The following JDP2 variants were observed in gnomAD, a reference collection of about 807,000 sequenced individuals.
The protein encoded by JDP2 is Jun dimerization protein 2, also known as progesterone receptor co-activator.
JDP2 carries 9 observed loss-of-function variants against 17.1 expected under a neutral mutation model. The observed-to-expected ratio is 0.53, with a 90% CI of 0.32 to 0.92. The LOEUF is 0.92. Among genes scored for constraint, JDP2 ranks in the 40% least tolerant of loss-of-function variants. The probability of loss-of-function intolerance (pLI) is 0.04; values close to 1 mark genes in which losing one functional copy is unlikely to be tolerated. For missense variants in JDP2, 179 were observed against 220.0 expected, an observed-to-expected ratio of 0.81 and a Z score of 1.18; for synonymous variants, 107 against 95.6, an observed-to-expected ratio of 1.12 and a Z score of -0.69.
intron 1 of JDP2, among the ~76,000 whole-genome samples, chr14:75,435,337 G>A (rs1426143614): frequency 6.6e-6 from 1 of 152,204 alleles, no homozygotes; most frequent in Non-Finnish European, 1.5e-5. Context: ...GGTCTCAGGG[G>A]CTATTTCTGT....
chr14:75,431,252 C>T (rs757635996), intron 1 of JDP2, among the ~76,000 whole-genome samples: 11 of 152,192 alleles, frequency 7.2e-5, no homozygotes, highest in East Asian at 1.9e-4. Flanking sequence ...ATTTATTGAG[C>T]GCCTACATTA....
In JDP2 at chr14:75,433,545, A is replaced by AC. The variant is rs1271369207; in HGVS notation, c.-23-4351dup. 2.3e-3 allele frequency among the ~76,000 whole-genome samples: 257 copies of AC among 109,688 alleles called. 2 individuals carry two copies. The highest frequency in any genetic ancestry group is 0.013 in the African/African-American group (249 of 19,392). 72.0% of individuals were successfully genotyped at this position (109,688 alleles called of 152,430 possible). On this transcript the variant is annotated intron_variant, in intron 1 of 3. Coordinates refer to ENST00000651602, the MANE Select transcript of JDP2 (RefSeq NM_001135048.2). The stretch of plus-strand genomic sequence containing the variant: ...GAAGAGTAGGGAGTACAGCTCTCAG[A>AC]CCTTTTTTTTTTTTTTTTTCAAGTT...
chr14:75,437,783 G>C (rs1885137094), intron 1 of JDP2, 115 bp from the exon 2 acceptor site: 2 of 670,600 alleles, frequency 3.0e-6, no homozygotes, highest in South Asian at 4.6e-5. Flanking sequence ...GGGTGGGAAA[G>C]GGATTCAGGG....
At chr14:75,451,239 G>T (rs1384250724) in intron 2 of JDP2, among the ~76,000 whole-genome samples, 2 of 152,060 alleles carry the variant, frequency 1.3e-5, no homozygotes, top group Admixed American at 1.3e-4. Flanking sequence ...GAGGATGGTT[G>T]TGCAGGATCT....
chr14:75,430,642 G>C lies in JDP2; in HGVS notation c.-24+2390G>C, dbSNP rs1884755585. 6.6e-6 allele frequency among the ~76,000 whole-genome samples: 1 copy of C among 152,112 alleles called. No individual in the cohort carries two copies. The stretch of plus-strand genomic sequence containing the variant: ...GAACACTGTTTTGGCTGCGTCCCGG[G>C]CCATATGCAGCGTATGGTGGCCAAT... On this transcript the variant is annotated intron_variant, in intron 1 of 3. Transcript: ENST00000651602. This position sits in a 1 kb window ranked among gnomAD's most constrained non-coding sequence, Gnocchi z 4.5.
intron 2 of JDP2, among the ~76,000 whole-genome samples, chr14:75,450,493 A>G (rs1016030811): frequency 6.6e-6 from 1 of 152,234 alleles, no homozygotes; most frequent in Admixed American, 6.5e-5. Context: ...GCCCCCAGCC[A>G]TGGGAGCCGA....
chr14:75,437,879 C>T lies in JDP2; in HGVS notation c.-23-19C>T, dbSNP rs779564756. On this transcript the variant is annotated intron_variant, in intron 1 of 3. Transcript: ENST00000651602. ...CCCCAACCTGGCTGACTGTCCTGCT[C>T]TTTTCCTGCCCACTCCAGGCTGGCC... 1 of 1,549,618 alleles carries T rather than the reference C, an allele frequency of 6.5e-7. No individual in the cohort carries two copies. The highest frequency in any genetic ancestry group is 1.4e-5 in the African/African-American group (1 of 73,934).
In JDP2 at chr14:75,430,936, AC is replaced by A. The variant is rs1884768626; in HGVS notation, c.-24+2686del. 6.6e-6 allele frequency among the ~76,000 whole-genome samples: 1 copy of A among 152,072 alleles called. No homozygotes were observed. Among genetic ancestry groups the A allele is most frequent in the African/African-American group, 2.4e-5 (1 of 41,386 alleles). On this transcript the variant is annotated intron_variant, in intron 1 of 3. Coordinates refer to ENST00000651602, the MANE Select transcript of JDP2 (RefSeq NM_001135048.2). This position sits in a 1 kb window ranked among gnomAD's most constrained non-coding sequence, Gnocchi z 4.5. Reference sequence around the variant, plus strand: ...GCTGTGGGAGGCCTGGCCAGAGCCCACCATTCTTAGTTGTTGTTGTTTTTTA... The same window carrying A: ...GCTGTGGGAGGCCTGGCCAGAGCCCACATTCTTAGTTGTTGTTGTTTTTTA...
intron 2 of JDP2, among the ~76,000 whole-genome samples, chr14:75,439,657 T>TG (rs1177426180): frequency 2.6e-5 from 4 of 152,248 alleles, no homozygotes; most frequent in Non-Finnish European, 5.9e-5. Flanking sequence ...CTAAAGACTG[T>TG]GGATTACAAG....
Position 75,430,718 on chromosome 14 carries a change from G to A in JDP2, c.-24+2466G>A, listed in dbSNP as rs1422911189. ...GCTTGTCTTGGCAGTCGGTTCCGTG[G>A]CTTGTATTACCAGCTCTGGAACTTA... On this transcript the variant is annotated intron_variant, in intron 1 of 3. Coordinates refer to ENST00000651602, the MANE Select transcript of JDP2 (RefSeq NM_001135048.2). This position sits in a 1 kb window ranked among gnomAD's most constrained non-coding sequence, Gnocchi z 4.5. Among the ~76,000 whole-genome samples the A allele has an allele frequency of 1.3e-5, 2 of 152,078 alleles. No homozygotes were observed. The highest frequency in any genetic ancestry group is 3.9e-4 in the East Asian group (2 of 5,184).
At chr14:75,464,463 A>T (rs1886484897) in intron 3 of JDP2, among the ~76,000 whole-genome samples, 1 of 152,222 alleles carries the variant, frequency 6.6e-6, no homozygotes, top group African/African-American at 2.4e-5. Context: ...CTATTTACAT[A>T]GCATTTACAT....
rs2140024607 is a variant in JDP2 at position 75,428,277 on chromosome 14, G to A, written c.-24+25G>A. On this transcript the variant is annotated intron_variant, in intron 1 of 3. Coordinates refer to ENST00000651602, the MANE Select transcript of JDP2 (RefSeq NM_001135048.2). The surrounding 1 kb of genome is among the most constrained non-coding windows in gnomAD (Gnocchi z 5.6). The stretch of plus-strand genomic sequence containing the variant: ...GGTGGGTGCGAGGGCGCGCGCTGGG[G>A]GCGCCGGGACGGGCGGGGCGGGGCA... The A allele has an allele frequency of 6.8e-6, 1 of 146,954 alleles. No homozygotes were observed. Among genetic ancestry groups the A allele is most frequent in the South Asian group, 2.0e-4 (1 of 4,900 alleles). The allele number at this position is 146,954 out of a possible 1,614,324, so 9.1% of individuals were successfully genotyped here.
intron 1 of JDP2, chr14:75,432,317 T>G: frequency 6.4e-7 from 1 of 1,551,532 alleles, no homozygotes; most frequent in Non-Finnish European, 8.7e-7. Context: ...TGGTTGATTC[T>G]CCAAGATTCA....
Position 75,428,108 on chromosome 14 carries a change from T to C in JDP2, c.-168T>C, listed in dbSNP as rs1472791573. 4 of 145,942 alleles carry C rather than the reference T, an allele frequency of 2.7e-5. No homozygotes were observed. In the East Asian group the frequency reaches 8.1e-4, roughly 29 times the overall value. 9.0% of individuals were successfully genotyped at this position (145,942 alleles called of 1,614,324 possible). A position where few individuals can be genotyped will look rare whatever the true frequency, so the allele number is the denominator to read the frequency against. On this transcript the variant is annotated 5_prime_UTR_variant, in exon 1 of 4. Transcript: ENST00000651602. This position sits in a 1 kb window ranked among gnomAD's most constrained non-coding sequence, Gnocchi z 5.6. ...GCGGACGCTGCAGCGGCGGCGGGGC[T>C]GGCGCCGCGGCGGCTCCCGGGCCGG...
chr14:75,465,712 G>A (rs919321951), intron 3 of JDP2, among the ~76,000 whole-genome samples: 1 of 152,234 alleles, frequency 6.6e-6, no homozygotes, highest in Non-Finnish European at 1.5e-5. Context: ...GAGAGAGGAA[G>A]TGACGTGGCC....
At chr14:75,436,409 G>A (rs988996475) in intron 1 of JDP2, among the ~76,000 whole-genome samples, 2 of 152,208 alleles carry the variant, frequency 1.3e-5, no homozygotes, top group Non-Finnish European at 2.9e-5. Context: ...GGAAGAGACA[G>A]GTAAAGATGG....
chr14:75,429,707 G>A (rs1230076957), intron 1 of JDP2, among the ~76,000 whole-genome samples: 3 of 152,178 alleles, frequency 2.0e-5, no homozygotes, highest in Non-Finnish European at 2.9e-5. Flanking sequence ...GAGGATCGAG[G>A]AAGAGAAGCA....
chr14:75,441,136 A>G (rs1000717923), intron 2 of JDP2, among the ~76,000 whole-genome samples: 4 of 150,216 alleles, frequency 2.7e-5, no homozygotes, highest in African/African-American at 7.4e-5. Context: ...AGAGAGAGGG[A>G]GAGAGAGAGA....
intron 2 of JDP2, among the ~76,000 whole-genome samples, chr14:75,447,964 G>A (rs1885681609): frequency 6.6e-6 from 1 of 152,026 alleles, no homozygotes; most frequent in African/African-American, 2.4e-5. Flanking sequence ...CGGCTAGCTA[G>A]TTAGCTAGCT....
Sources: gnomAD v4.1 joint callset for allele counts (sites outside exome capture counted in the v4.1 genomes callset) on GRCh38, gnomAD v4.1.1 for gene constraint, Gnocchi (gnomAD v3.1) non-coding constraint, MANE v1.5 for transcripts, NCBI Gene and HGNC (gene_info 2026-07-23, HGNC 2026-07-21) for gene names.